Variants in DGKI observed in about 807,000 individuals in gnomAD.
DGKI encodes diacylglycerol kinase iota.
A neutral mutation model predicts 147.5 loss-of-function variants in DGKI; 55 were observed. That is an observed-to-expected ratio of 0.37 (90% CI 0.30 to 0.47). The LOEUF (loss-of-function observed/expected upper bound fraction) is 0.47, where lower values mean the gene tolerates loss of function less well. Ranked by LOEUF, DGKI falls within the 20% of genes least tolerant of loss-of-function variation. DGKI has a pLI of 1.00. For missense variants in DGKI, 1,007 were observed against 1,323.8 expected (o/e 0.76, Z 3.71); for synonymous variants, 469 against 477.1 (o/e 0.98, Z 0.22).
intron 1 of DGKI, among the ~76,000 whole-genome samples, chr7:137,727,244 T>C (rs771610874): frequency 5.3e-5 from 8 of 152,104 alleles, no homozygotes; most frequent in Non-Finnish European, 1.2e-4. Context: ...ACAGGGAACT[T>C]GGAGACTGTG....
At chr7:137,545,504 T>G (rs183928404) in intron 20 of DGKI, among the ~76,000 whole-genome samples, 1 of 152,054 alleles carries the variant, frequency 6.6e-6, no homozygotes, top group Admixed American at 6.5e-5. Context: ...CACTCAAAAC[T>G]CCACGCATAA....
At chr7:137,584,026 T>C (rs528146420) in intron 14 of DGKI, among the ~76,000 whole-genome samples, 1 of 152,148 alleles carries the variant, frequency 6.6e-6, no homozygotes, top group African/African-American at 2.4e-5. Context: ...TTATAATATA[T>C]GTAATTAAAT....
At chr7:137,576,796 C>G (rs1179224445) in intron 17 of DGKI, among the ~76,000 whole-genome samples, 1 of 152,160 alleles carries the variant, frequency 6.6e-6, no homozygotes, top group Non-Finnish European at 1.5e-5. Flanking sequence ...TCAGATTATC[C>G]TGGAATAAAG....
At chr7:137,811,476 A>G (rs1245573202) in intron 1 of DGKI, among the ~76,000 whole-genome samples, 2 of 152,026 alleles carry the variant, frequency 1.3e-5, no homozygotes. Flanking sequence ...TGACCTCAGG[A>G]GACAACAAAC....
intron 1 of DGKI, among the ~76,000 whole-genome samples, chr7:137,752,073 T>C (rs764018004): frequency 5.3e-5 from 8 of 152,192 alleles, no homozygotes; most frequent in Non-Finnish European, 7.3e-5. Context: ...CCTACTACAA[T>C]GTCCTTCAGA....
At chr7:137,742,163 G>A (rs1387300736) in intron 1 of DGKI, among the ~76,000 whole-genome samples, 1 of 152,116 alleles carries the variant, frequency 6.6e-6, no homozygotes, top group Non-Finnish European at 1.5e-5. Flanking sequence ...AACTCACACT[G>A]TTCTCATATG....
At chr7:137,540,754 A>AC in intron 20 of DGKI, among the ~76,000 whole-genome samples, 2 of 89,634 alleles carry the variant, frequency 2.2e-5, no homozygotes, top group African/African-American at 1.0e-4. Context: ...ACATTTTAAA[A>AC]ACCCCCCCAA....
intron 4 of DGKI, 64 bp downstream of exon 4, chr7:137,656,402 A>G: frequency 6.4e-7 from 1 of 1,551,116 alleles, no homozygotes; most frequent in South Asian, 1.1e-5. Context: ...GGAAATTTAC[A>G]CCGGGCCTCT....
chr7:137,656,818 G>T (rs1273979199), intron 3 of DGKI, among the ~76,000 whole-genome samples: 1 of 152,120 alleles, frequency 6.6e-6, no homozygotes, highest in East Asian at 1.9e-4. Flanking sequence ...CCAATATTTT[G>T]AGCATATAAC....
At chr7:137,487,494 A>T in intron 22 of DGKI, 116 bp downstream of exon 22, 1 of 921,468 alleles carries the variant, frequency 1.1e-6, no homozygotes. Flanking sequence ...GGACAAAGCC[A>T]CCACATTTCC....
chr7:137,493,832 A>C, intron 21 of DGKI: 1 of 699,608 alleles, frequency 1.4e-6, no homozygotes, highest in Non-Finnish European at 2.6e-6. Context: ...ACCAGTCTGA[A>C]ATAGCTGAAA....
At position 137,846,966 on chromosome 7, in the gene DGKI, G is replaced by GACCGCACCCTCCAGCCCCGC; in HGVS notation, c.-105_-104insGCGGGGCTGGAGGGTGCGGT. ...CCGCCTCCCGCGCCCTCCCGCGCCGGCCCGCACCCTCCAGCCCCGCCGGCC... is the reference window on the plus strand; with the variant it reads ...CCGCCTCCCGCGCCCTCCCGCGCCGGACCGCACCCTCCAGCCCCGCCCCGCACCCTCCAGCCCCGCCGGCC... On this transcript the variant is annotated 5_prime_UTR_variant, in exon 1 of 33. Transcript: ENST00000614521. This position sits in a 1 kb window ranked among gnomAD's most constrained non-coding sequence, Gnocchi z 4.0. 1.1e-6 allele frequency: 1 copy of GACCGCACCCTCCAGCCCCGC among 898,372 alleles called. No individual in the cohort carries two copies. Among genetic ancestry groups the GACCGCACCCTCCAGCCCCGC allele is most frequent in the South Asian group, 5.0e-5 (1 of 20,092 alleles). 55.7% of individuals were successfully genotyped at this position (898,372 alleles called of 1,614,324 possible). A position where few individuals can be genotyped will look rare whatever the true frequency, so the allele number is the denominator to read the frequency against.
intron 1 of DGKI, among the ~76,000 whole-genome samples, chr7:137,746,425 G>A (rs1277800775): frequency 6.6e-6 from 1 of 152,200 alleles, no homozygotes; most frequent in Non-Finnish European, 1.5e-5. Flanking sequence ...TCTAGATTTA[G>A]AGTAAAGTGC....
intron 27 of DGKI, among the ~76,000 whole-genome samples, chr7:137,444,890 T>C (rs190445791): frequency 8.5e-4 from 129 of 152,294 alleles, no homozygotes; most frequent in Non-Finnish European, 1.3e-3. Flanking sequence ...TCACACTTAT[T>C]CTTTTCTGAG....
chr7:137,496,670 A>T (rs1002627857), intron 21 of DGKI, among the ~76,000 whole-genome samples: 2 of 152,096 alleles, frequency 1.3e-5, no homozygotes, highest in African/African-American at 4.8e-5. Context: ...TATGATCTTC[A>T]ACAAAGTCGA....
At chr7:137,544,813 C>T (rs1427254062) in intron 20 of DGKI, among the ~76,000 whole-genome samples, 2 of 152,098 alleles carry the variant, frequency 1.3e-5, no homozygotes, top group African/African-American at 2.4e-5. Flanking sequence ...TAGCCTAAGT[C>T]TACTGTGTAA....
intron 28 of DGKI, among the ~76,000 whole-genome samples, chr7:137,412,609 A>G (rs112621368): frequency 0.022 from 3,319 of 152,294 alleles, 112 homozygotes; most frequent in African/African-American, 0.075. Context: ...GAATGTTCCT[A>G]ACCCAGCCAC....
At chr7:137,571,313 T>A in intron 18 of DGKI, 27 bp from the exon 19 acceptor site, 1 of 1,496,850 alleles carries the variant, frequency 6.7e-7, no homozygotes, top group Non-Finnish European at 9.3e-7. Flanking sequence ...AAGACAGAAG[T>A]AAATATGTCC....
chr7:137,495,647 G>A (rs1233079393), intron 21 of DGKI, among the ~76,000 whole-genome samples: 1 of 152,000 alleles, frequency 6.6e-6, no homozygotes, highest in Non-Finnish European at 1.5e-5. Context: ...ATGCAAGGTG[G>A]TTCAACATAC....
Sources: allele counts gnomAD v4.1 joint callset (sites outside exome capture counted in the v4.1 genomes callset), GRCh38; gene constraint gnomAD v4.1.1; non-coding constraint Gnocchi (gnomAD v3.1); transcripts MANE v1.5; gene names NCBI Gene and HGNC (gene_info 2026-07-23, HGNC 2026-07-21).